The following KIAA1217 variants were observed in gnomAD, a reference collection of about 807,000 sequenced individuals.
The protein encoded by KIAA1217 is KIAA1217.
KIAA1217 carries 88 observed loss-of-function variants against 163.9 expected under a neutral mutation model. That is an observed-to-expected ratio of 0.54 (90% confidence interval 0.45 to 0.64). The LOEUF is 0.64. Ranked by LOEUF, KIAA1217 falls within the 30% of genes least tolerant of loss-of-function variation. The pLI, the probability that KIAA1217 is intolerant of heterozygous loss-of-function variation, is 0.00. For synonymous variants in KIAA1217, 903 were observed against 923.1 expected, an observed-to-expected ratio of 0.98 and a Z score of 0.39; for missense variants, 2,372 against 2,475.0, an observed-to-expected ratio of 0.96 and a Z score of 0.88.
intron 2 of KIAA1217, among the ~76,000 whole-genome samples, chr10:24,360,262 G>A (rs1240967710): frequency 1.3e-5 from 2 of 151,822 alleles, no homozygotes; most frequent in African/African-American, 4.8e-5. Flanking sequence ...TGGCCAGGCT[G>A]GTCTTGAACT....
At chr10:24,207,886 AT>A (rs139862891), upstream of KIAA1217, among the ~76,000 whole-genome samples, 211 of 152,308 alleles carry the variant, frequency 1.4e-3, no homozygotes, top group African/African-American at 4.9e-3. Flanking sequence ...AATCTGGAAC[AT>A]AGGCTGGCCA....
Position 23,766,594 on chromosome 10 carries a change from C to CTT in KIAA1217, c.-321+71371_-321+71372dup, listed in dbSNP as rs569633830. ...TTTTTTTTTTCTTTCTTTCTTTTTTCTTTTTTTTTTTTGAGACAGCGTCTC... is the reference window on the plus strand; with the variant it reads ...TTTTTTTTTTCTTTCTTTCTTTTTTCTTTTTTTTTTTTTTGAGACAGCGTCTC... On this transcript the variant is annotated intron_variant, in intron 1 of 18. Transcript: ENST00000376462. Among the ~76,000 whole-genome samples the CTT allele has an allele frequency of 4.5e-4, 58 of 127,720 alleles. 2 individuals are homozygous for CTT. Among genetic ancestry groups the CTT allele is most frequent in the African/African-American group, 1.4e-3 (47 of 33,618 alleles). 83.8% of individuals were successfully genotyped at this position (127,720 alleles called of 152,430 possible). A position where few individuals can be genotyped will look rare whatever the true frequency, so the allele number is the denominator to read the frequency against.
At chr10:24,314,942 GA>G (rs1269777030) in intron 2 of KIAA1217, among the ~76,000 whole-genome samples, 2 of 150,338 alleles carry the variant, frequency 1.3e-5, no homozygotes, top group Non-Finnish European at 3.0e-5. Context: ...AGACTGTCTC[GA>G]AAAAAAAATA....
chr10:23,906,633 A>G (rs1056625954), intron 1 of KIAA1217, among the ~76,000 whole-genome samples: 1 of 152,150 alleles, frequency 6.6e-6, no homozygotes, highest in Non-Finnish European at 1.5e-5. Context: ...AATGTCTCCA[A>G]GACTAAATCC....
At chr10:24,164,343 CA>C (rs2065247914) in intron 2 of KIAA1217, among the ~76,000 whole-genome samples, 1 of 152,226 alleles carries the variant, frequency 6.6e-6, no homozygotes, top group South Asian at 2.1e-4. Flanking sequence ...TCTTAAGTGA[CA>C]TCCTCTCCCC....
At chr10:23,750,963 C>T (rs1839701654) in intron 1 of KIAA1217, among the ~76,000 whole-genome samples, 1 of 151,214 alleles carries the variant, frequency 6.6e-6, no homozygotes, top group Non-Finnish European at 1.5e-5. Context: ...CTTCCCCTCC[C>T]CTCCCTTCCC....
chr10:23,934,606 TGTATATATATATATA>T (rs1843432792), intron 1 of KIAA1217, among the ~76,000 whole-genome samples: 5 of 76,286 alleles, frequency 6.6e-5, no homozygotes, highest in African/African-American at 5.5e-4. Flanking sequence ...TATATATATA[TGTATATATATATATA>T]TATATTTTTT....
At chr10:24,429,851 C>G (rs2059449045) in intron 3 of KIAA1217, among the ~76,000 whole-genome samples, 2 of 152,150 alleles carry the variant, frequency 1.3e-5, no homozygotes, top group African/African-American at 4.8e-5. Context: ...CCTCAAAAAT[C>G]TGTTTGTCAG....
intron 5 of KIAA1217, among the ~76,000 whole-genome samples, chr10:24,472,772 GTCC>G: frequency 6.6e-6 from 1 of 152,252 alleles, no homozygotes; most frequent in East Asian, 1.9e-4. Flanking sequence ...GAGATCAGAA[GTCC>G]TTAATGGATT....
intron 1 of KIAA1217, among the ~76,000 whole-genome samples, chr10:23,923,711 A>C (rs553340527): frequency 6.6e-6 from 1 of 152,342 alleles, no homozygotes; most frequent in South Asian, 2.1e-4. Flanking sequence ...AGCAGTAACC[A>C]GCCTTGCTGA....
At chr10:24,514,083 T>C (rs1366517794) in intron 10 of KIAA1217, among the ~76,000 whole-genome samples, 1 of 152,208 alleles carries the variant, frequency 6.6e-6, no homozygotes, top group Non-Finnish European at 1.5e-5. Flanking sequence ...TGAAAGCATC[T>C]ATCAAGTCCT....
chr10:23,695,054 C>G lies in KIAA1217; in HGVS notation c.-501C>G, dbSNP rs1254232279. ...TCGGCTGGCAGCCGCGAGCGGCGGCCGAACCTCGGCCCCAGACTCGGGCCC... is the reference window on the plus strand; with the variant it reads ...TCGGCTGGCAGCCGCGAGCGGCGGCGGAACCTCGGCCCCAGACTCGGGCCC... On this transcript the variant is annotated 5_prime_UTR_variant, in exon 1 of 19. Coordinates refer to the KIAA1217 transcript ENST00000376462. The surrounding 1 kb of genome is among the most constrained non-coding windows in gnomAD (Gnocchi z 4.9). 6.6e-6 allele frequency: 1 copy of G among 152,270 alleles called. No individual in the cohort carries two copies. Among genetic ancestry groups the G allele is most frequent in the Non-Finnish European group, 1.5e-5 (1 of 68,108 alleles). The allele number at this position is 152,270 out of a possible 1,614,324, so 9.4% of individuals were successfully genotyped here.
chr10:24,499,165 G>C (rs2067193580), intron 8 of KIAA1217, among the ~76,000 whole-genome samples: 1 of 152,214 alleles, frequency 6.6e-6, no homozygotes. Flanking sequence ...TGATGATAAA[G>C]TAATTTGACT....
rs1475244703 is a variant in KIAA1217, at chr10:24,088,567, T to G, written c.-171+81193T>G. Among the ~76,000 whole-genome samples the G allele has an allele frequency of 4.2e-5, 5 of 120,058 alleles. 2 individuals carry two copies. The highest frequency in any genetic ancestry group is 8.2e-5 in the Non-Finnish European group (4 of 48,804). The allele number at this position is 120,058 out of a possible 152,430, so 78.8% of individuals were successfully genotyped here. ...GGTGTTTGGTTTTTTGTCCTTGCGA[T>G]AGTTTGCTGAGAATGATGGTTTCCA... On this transcript the variant is annotated intron_variant, in intron 2 of 18. Coordinates refer to the KIAA1217 transcript ENST00000376462.
intron 2 of KIAA1217, among the ~76,000 whole-genome samples, chr10:24,191,208 C>T (rs1362325442): frequency 6.6e-6 from 1 of 152,044 alleles, no homozygotes. Context: ...AGATCAGTCA[C>T]CTTGTACCAC....
intron 1 of KIAA1217, among the ~76,000 whole-genome samples, chr10:23,909,123 G>A (rs961823342): frequency 3.3e-5 from 5 of 152,096 alleles, no homozygotes; most frequent in Admixed American, 6.6e-5. Context: ...AACATCATAC[G>A]TTCTCACTTG....
rs549895058 is a variant in KIAA1217 at position 23,931,360 on chromosome 10, T to C, written c.-320-75865T>C. Among the ~76,000 whole-genome samples, 3 of 152,252 alleles carry C rather than the reference T, an allele frequency of 2.0e-5. No homozygotes were observed. In the East Asian group the frequency reaches 5.8e-4, roughly 29 times the overall value. On this transcript the variant is annotated intron_variant, in intron 1 of 18. Coordinates refer to the KIAA1217 transcript ENST00000376462. Reference sequence around the variant, plus strand: ...ATTTGAATCTAGAATCTGGGGACTTTGGTGTGTCCTCCACTCACCTATGCC... The same window carrying C: ...ATTTGAATCTAGAATCTGGGGACTTCGGTGTGTCCTCCACTCACCTATGCC...
intron 1 of KIAA1217, among the ~76,000 whole-genome samples, chr10:23,914,798 C>T (rs1237497045): frequency 6.6e-6 from 1 of 152,094 alleles, no homozygotes; most frequent in East Asian, 1.9e-4. Flanking sequence ...TAAGTTCATC[C>T]CCCAAAGAAG....
chr10:23,915,883 G>A (rs1360148752), intron 1 of KIAA1217, among the ~76,000 whole-genome samples: 1 of 152,120 alleles, frequency 6.6e-6, no homozygotes, highest in African/African-American at 2.4e-5. Flanking sequence ...TCAAGGAGAA[G>A]GTCCTATCAT....
Sources: gnomAD v4.1 joint callset for allele counts (sites outside exome capture counted in the v4.1 genomes callset) on GRCh38, gnomAD v4.1.1 for gene constraint, Gnocchi (gnomAD v3.1) non-coding constraint, MANE v1.5 for transcripts, NCBI Gene and HGNC (gene_info 2026-07-23, HGNC 2026-07-21) for gene names.